Variants in ZCCHC4 observed in about 807,000 individuals in gnomAD.
ZCCHC4 encodes the protein zinc finger CCHC-type containing 4.
In ZCCHC4, 54 loss-of-function variants were observed where a neutral mutation model predicts 67.7. The ratio of observed to expected loss-of-function variants is 0.80; its 90% CI spans 0.64 to 1.00. The LOEUF (loss-of-function observed/expected upper bound fraction) is 1.00. Among genes scored for constraint, ZCCHC4 ranks in the 50% least tolerant of loss-of-function variants. The pLI, the probability that ZCCHC4 is intolerant of heterozygous loss-of-function variation, is 0.00. For synonymous variants in ZCCHC4, 198 were observed against 213.5 expected, an observed-to-expected ratio of 0.93 and a Z score of 0.63; for missense variants, 609 against 617.0, an observed-to-expected ratio of 0.99 and a Z score of 0.14.
rs1337600065 is a variant in ZCCHC4, at chr4:25,366,143, T to C, written c.1406+977T>C. On this transcript the variant is annotated intron_variant, in intron 12 of 12. Transcript: ENST00000302874. ...ATTCTTTCCCATGTGTTTTATTTAT[T>C]TGTGGTCAGTGAAAATTTTTTTTTC... The C allele has an allele frequency of 5.1e-6, 5 of 983,360 alleles. No individual in the cohort carries two copies. The South Asian group carries it at 1.4e-4, about 28-fold the overall frequency. 60.9% of individuals were successfully genotyped at this position (983,360 alleles called of 1,614,324 possible). A position where few individuals can be genotyped will look rare whatever the true frequency, so the allele number is the denominator to read the frequency against.
chr4:25,350,767 C>A (rs921679394), intron 7 of ZCCHC4, among the ~76,000 whole-genome samples: 1 of 152,068 alleles, frequency 6.6e-6, no homozygotes, highest in Non-Finnish European at 1.5e-5. Context: ...GTTTTTAAGT[C>A]CACTAATTAG....
At chr4:25,327,713 T>G (rs759377585) in intron 3 of ZCCHC4, among the ~76,000 whole-genome samples, 33 of 152,286 alleles carry the variant, frequency 2.2e-4, no homozygotes, top group Admixed American at 6.5e-4. Context: ...ACTCCTGGGC[T>G]CAAGCCGTCC....
intron 3 of ZCCHC4, among the ~76,000 whole-genome samples, chr4:25,315,662 C>G (rs981148678): frequency 1.3e-5 from 2 of 151,636 alleles, no homozygotes; most frequent in Non-Finnish European, 2.9e-5. Flanking sequence ...GCTGTAACTC[C>G]TCATTCTACC....
At chr4:25,348,969 A>G (rs528389899) in intron 6 of ZCCHC4, among the ~76,000 whole-genome samples, 2 of 152,232 alleles carry the variant, frequency 1.3e-5, no homozygotes, top group African/African-American at 4.8e-5. Flanking sequence ...TTCATTTTTT[A>G]TTTACTTACA....
intron 6 of ZCCHC4, among the ~76,000 whole-genome samples, chr4:25,347,364 G>A (rs894566180): frequency 1.3e-5 from 2 of 152,122 alleles, no homozygotes; most frequent in Admixed American, 1.3e-4. Flanking sequence ...TATAGAAAGT[G>A]TACAGCATTA....
In ZCCHC4 at chr4:25,351,697, A is replaced by T. The variant is rs1258469210; in HGVS notation, c.1011+8A>T. The T allele has an allele frequency of 6.3e-7, 1 of 1,591,428 alleles. No individual in the cohort carries two copies. Among genetic ancestry groups the T allele is most frequent in the South Asian group, 1.1e-5 (1 of 88,050 alleles). On this transcript the variant is annotated splice_region_variant and intron_variant, in intron 8 of 12. Coordinates refer to ENST00000302874, the MANE Select transcript of ZCCHC4 (RefSeq NM_024936.3). Reference sequence around the variant, plus strand: ...CAGATGCTGGATTACCAGGTAGAGTACATATTCTGTTTTCTGGCATGGTTG... The same window carrying T: ...CAGATGCTGGATTACCAGGTAGAGTTCATATTCTGTTTTCTGGCATGGTTG...
At chr4:25,317,885 C>G (rs1004302590) in intron 3 of ZCCHC4, among the ~76,000 whole-genome samples, 2 of 152,062 alleles carry the variant, frequency 1.3e-5, no homozygotes, top group Non-Finnish European at 2.9e-5. Flanking sequence ...AAGTACTAAG[C>G]TGTGACTCAT....
chr4:25,321,977 A>G (rs1303824829), intron 3 of ZCCHC4, among the ~76,000 whole-genome samples: 11 of 152,232 alleles, frequency 7.2e-5, no homozygotes, highest in Admixed American at 7.2e-4. Flanking sequence ...AAGACATGAC[A>G]GCTTCAAGAG....
chr4:25,356,444 C>T (rs1235283035), intron 8 of ZCCHC4, among the ~76,000 whole-genome samples: 1 of 152,148 alleles, frequency 6.6e-6, no homozygotes, highest in Non-Finnish European at 1.5e-5. Context: ...GCACAACAAA[C>T]CCGCATTTAA....
chr4:25,338,888 A>G (rs1347223923), intron 5 of ZCCHC4, among the ~76,000 whole-genome samples: 1 of 152,222 alleles, frequency 6.6e-6, no homozygotes, highest in Non-Finnish European at 1.5e-5. Context: ...ATGTGAACAT[A>G]GGTTTTCAGA....
intron 5 of ZCCHC4, among the ~76,000 whole-genome samples, chr4:25,336,883 T>C (rs1719487113): frequency 6.6e-6 from 1 of 152,184 alleles, no homozygotes; most frequent in Admixed American, 6.5e-5. Flanking sequence ...TCATCCTCAT[T>C]TTTCCAGATG....
rs1721051259 is a variant in ZCCHC4, at chr4:25,369,062, T to C, written c.1440T>C (p.Asn480=). ...AVRKQKQRKS[N]KMKMETTKGQ... ...GAAAGCAGAAGCAAAGAAAAAGTAA[T>C]AAGATGAAAATGGAGACCACGAAAG... The change falls in exon 13 of 13, where the codon AAT becomes AAC. Residue 480 remains asparagine (N), a synonymous_variant. Coordinates refer to ENST00000302874, the MANE Select transcript of ZCCHC4 (RefSeq NM_024936.3). The C allele has an allele frequency of 6.2e-7, 1 of 1,611,900 alleles. No homozygotes were observed. The highest frequency in any genetic ancestry group is 1.7e-5 in the Admixed American group (1 of 59,592).
Position 25,359,458 on chromosome 4 carries a change from C to G in ZCCHC4, c.1012-2401C>G, listed in dbSNP as rs771330128. Among the ~76,000 whole-genome samples, 54 of 152,246 alleles carry G rather than the reference C, an allele frequency of 3.5e-4. No homozygotes were observed. The highest frequency in any genetic ancestry group is 2.2e-3 in the Admixed American group (33 of 15,298). On this transcript the variant is annotated intron_variant, in intron 8 of 12. Coordinates refer to ENST00000302874, the MANE Select transcript of ZCCHC4 (RefSeq NM_024936.3). The surrounding 1 kb of genome is among the most constrained non-coding windows in gnomAD (Gnocchi z 4.9). Reference sequence around the variant, plus strand: ...CTTGGAAAAGGAATTAGAGGCTGCTCTGGATACAGGCCTGGGTCTGTTGTC... The same window carrying G: ...CTTGGAAAAGGAATTAGAGGCTGCTGTGGATACAGGCCTGGGTCTGTTGTC...
chr4:25,352,188 G>A, intron 8 of ZCCHC4: 1 of 985,598 alleles, frequency 1.0e-6, no homozygotes, highest in South Asian at 4.7e-5. Context: ...CTGTGTGAAT[G>A]TGTTGATTCC....
At position 25,359,074 on chromosome 4, in the gene ZCCHC4, A is replaced by C. The variant is rs1458199907; in HGVS notation, c.1012-2785A>C. Among the ~76,000 whole-genome samples, 1 of 152,186 alleles carries C rather than the reference A, an allele frequency of 6.6e-6. No homozygotes were observed. The highest frequency in any genetic ancestry group is 1.9e-4 in the East Asian group (1 of 5,184). ...ATTCCCTGGTGATTCTGGGTCAGCC[A>C]TGTGGCCACAGCATGGGTTGTGGTG... On this transcript the variant is annotated intron_variant, in intron 8 of 12. Coordinates refer to ENST00000302874, the MANE Select transcript of ZCCHC4 (RefSeq NM_024936.3). This position sits in a 1 kb window ranked among gnomAD's most constrained non-coding sequence, Gnocchi z 4.9.
At chr4:25,327,065 T>G (rs1464748576) in intron 3 of ZCCHC4, among the ~76,000 whole-genome samples, 2 of 152,270 alleles carry the variant, frequency 1.3e-5, no homozygotes, top group African/African-American at 4.8e-5. Flanking sequence ...ATAAGCTTAC[T>G]TACTAGTTCT....
In ZCCHC4 at chr4:25,349,573, G is replaced by A; in HGVS notation, c.841G>A (p.Gly281Ser). Residue 281 changes from glycine (G) to serine (S), a missense_variant, in exon 7 of 13, where the codon GGC (glycine) becomes AGC (serine). Gly to Ser is a moderately conservative substitution (Grantham distance 56). Transcript: ENST00000302874. Reference protein sequence around the residue: ...IIMVTDPPFGGLVEPLAITFK... With the variant: ...IIMVTDPPFGSLVEPLAITFK... ...TATGGTGACGGATCCTCCGTTTGGT[G>A]GCTTGGTTGAACCTCTGGCTATTAC... 1 of 1,614,030 alleles carries A rather than the reference G, an allele frequency of 6.2e-7. No homozygotes were observed. The highest frequency in any genetic ancestry group is 8.5e-7 in the Non-Finnish European group (1 of 1,179,928).
chr4:25,312,775 T>C lies in ZCCHC4; in HGVS notation c.-35T>C. The stretch of plus-strand genomic sequence containing the variant: ...GGGGCGCTCTTTCTCAGCATTCTTG[T>C]TTCGTACTGAGGCTTTCGGGACGGC... On this transcript the variant is annotated 5_prime_UTR_variant, in exon 1 of 13. Transcript: ENST00000302874. 6.2e-7 allele frequency: 1 copy of C among 1,611,782 alleles called. No homozygotes were observed. Among genetic ancestry groups the C allele is most frequent in the Non-Finnish European group, 8.5e-7 (1 of 1,179,478 alleles).
intron 3 of ZCCHC4, among the ~76,000 whole-genome samples, chr4:25,315,707 T>C (rs1718223241): frequency 1.7e-5 from 2 of 115,946 alleles, no homozygotes; most frequent in African/African-American, 6.4e-5. Flanking sequence ...GATTTATTTT[T>C]GTGTGTTTTT....
Sources: gnomAD v4.1 joint callset for allele counts (sites outside exome capture counted in the v4.1 genomes callset) on GRCh38, gnomAD v4.1.1 for gene constraint, Gnocchi (gnomAD v3.1) non-coding constraint, MANE v1.5 for transcripts, NCBI Gene and HGNC (gene_info 2026-07-23, HGNC 2026-07-21) for gene names.